The following CDK17 variants were observed in gnomAD, a reference collection of about 807,000 sequenced individuals.
CDK17 encodes cyclin-dependent kinase 17.
A neutral mutation model predicts 77.6 loss-of-function variants in CDK17; 24 were observed. The ratio of observed to expected loss-of-function variants is 0.31; its 90% CI spans 0.22 to 0.44. The LOEUF (loss-of-function observed/expected upper bound fraction) is 0.44, where lower values mean the gene tolerates loss of function less well. CDK17 is among the 20% of genes least tolerant of loss of function. The pLI is 1.00. For missense variants in CDK17, 429 were observed against 622.5 expected (o/e 0.69, Z 3.31); for synonymous variants, 203 against 210.4 (o/e 0.96, Z 0.30).
intron 7 of CDK17, among the ~76,000 whole-genome samples, chr12:96,298,004 A>C (rs7314551): frequency 0.22 from 32,860 of 151,916 alleles, 4,438 homozygotes; most frequent in Middle Eastern, 0.33. Flanking sequence ...AAAAATGTTC[A>C]TGGAGGCTGG....
At chr12:96,289,402 C>T in intron 10 of CDK17, 115 bp from the exon 11 acceptor site, 1 of 1,106,636 alleles carries the variant, frequency 9.0e-7, no homozygotes, top group East Asian at 2.4e-5. Context: ...TTCGTAGCTT[C>T]TTGAGGCTTC....
At chr12:96,344,935 A>C (rs1009860184) in intron 1 of CDK17, among the ~76,000 whole-genome samples, 1 of 152,072 alleles carries the variant, frequency 6.6e-6, no homozygotes, top group African/African-American at 2.4e-5. Flanking sequence ...CCTAGGTATT[A>C]AGGCCAACAT....
Position 96,281,023 on chromosome 12 carries a change from T to G in CDK17, c.1457-138A>C, listed in dbSNP as rs971101384. On this transcript the variant is annotated intron_variant, in intron 15 of 16. Transcript: ENST00000261211. ...ACAAGGTGATAGCCCTGCTGAAATT[T>G]TTCCTTTTTGTCCCAGTGTGTTGAG... The G allele has an allele frequency of 3.2e-5, 23 of 729,044 alleles. No homozygotes were observed. The African/African-American group carries it at 4.1e-4, about 13-fold the overall frequency. The allele number at this position is 729,044 out of a possible 1,614,324, so 45.2% of individuals were successfully genotyped here.
intron 1 of CDK17, among the ~76,000 whole-genome samples, chr12:96,371,359 C>T (rs11108482): frequency 0.082 from 12,507 of 152,142 alleles, 697 homozygotes; most frequent in South Asian, 0.18. Flanking sequence ...CCGTGAAGCC[C>T]AGCTAATTGT....
Position 96,301,849 on chromosome 12 carries a change from A to G in CDK17, c.544-1489T>C, listed in dbSNP as rs1470886656. Among the ~76,000 whole-genome samples the G allele has an allele frequency of 2.0e-5, 3 of 152,182 alleles. No homozygotes were observed. The East Asian group carries it at 5.8e-4, about 29-fold the overall frequency. On this transcript the variant is annotated intron_variant, in intron 5 of 16. Transcript: ENST00000261211. Reference sequence around the variant, plus strand: ...TCAGACAATAGGATAAATTATCCAAAGCTGAATGGCCAAAAGTAGCAGAGG... The same window carrying G: ...TCAGACAATAGGATAAATTATCCAAGGCTGAATGGCCAAAAGTAGCAGAGG...
intron 10 of CDK17, among the ~76,000 whole-genome samples, chr12:96,291,444 G>A (rs10860011): frequency 0.39 from 59,324 of 151,486 alleles, 12,010 homozygotes; most frequent in East Asian, 0.58. Context: ...GGTGCACACC[G>A]CCACACCTGG....
chr12:96,288,830 CTT>C (rs1268860460), intron 11 of CDK17, among the ~76,000 whole-genome samples: 7 of 152,150 alleles, frequency 4.6e-5, no homozygotes, highest in African/African-American at 7.2e-5. Context: ...ATCAGATACT[CTT>C]GAGTGTCTCA....
At chr12:96,326,631 T>C (rs553642485) in intron 2 of CDK17, among the ~76,000 whole-genome samples, 2 of 152,336 alleles carry the variant, frequency 1.3e-5, no homozygotes, top group South Asian at 2.1e-4. Context: ...AAACATGAGA[T>C]TGCTCGGTCT....
chr12:96,399,168 T>C (rs977846733), intron 1 of CDK17: 2 of 151,250 alleles, frequency 1.3e-5, no homozygotes, highest in Non-Finnish European at 2.9e-5. Flanking sequence ...AGTGTGGGGG[T>C]GACAGGAGGG....
At chr12:96,389,351 T>G (rs1954030100) in intron 1 of CDK17, among the ~76,000 whole-genome samples, 1 of 152,134 alleles carries the variant, frequency 6.6e-6, no homozygotes, top group Non-Finnish European at 1.5e-5. Context: ...AAAAGAAAAT[T>G]GAAAACATAT....
chr12:96,377,946 G>A (rs1188445042), intron 1 of CDK17, among the ~76,000 whole-genome samples: 3 of 152,104 alleles, frequency 2.0e-5, no homozygotes, highest in African/African-American at 4.8e-5. Flanking sequence ...GCCCACCTTG[G>A]CCTCCCAAAG....
intron 5 of CDK17, among the ~76,000 whole-genome samples, chr12:96,307,210 G>A (rs1300760351): frequency 6.6e-6 from 1 of 152,028 alleles, no homozygotes; most frequent in South Asian, 2.1e-4. Context: ...CAGGAGAATC[G>A]CTTGAACCCG....
intron 1 of CDK17, among the ~76,000 whole-genome samples, chr12:96,369,781 A>T (rs1953660617): frequency 6.6e-6 from 1 of 152,102 alleles, no homozygotes; most frequent in South Asian, 2.1e-4. Flanking sequence ...AAAAATAAAT[A>T]AATAAATAAA....
chr12:96,352,775 A>T (rs1490440752), intron 1 of CDK17, among the ~76,000 whole-genome samples: 1 of 152,240 alleles, frequency 6.6e-6, no homozygotes, highest in Non-Finnish European at 1.5e-5. Context: ...ACCCATAATC[A>T]AGAGCAAAGA....
chr12:96,366,002 C>T (rs1293279046), intron 1 of CDK17, among the ~76,000 whole-genome samples: 3 of 152,318 alleles, frequency 2.0e-5, no homozygotes, highest in Middle Eastern at 3.4e-3. Flanking sequence ...AATCTCTCTC[C>T]TTTGGCAGAA....
intron 13 of CDK17, 59 bp from the exon 14 acceptor site, chr12:96,283,704 G>A: frequency 9.1e-7 from 1 of 1,103,818 alleles, no homozygotes; most frequent in Admixed American, 2.0e-5. Context: ...AAACTTTTCA[G>A]ATAAAACTAT....
chr12:96,400,178 G>A lies in CDK17; in HGVS notation c.-222C>T, dbSNP rs369406395. 1 of 394,542 alleles carries A rather than the reference G, an allele frequency of 2.5e-6. No homozygotes were observed. The highest frequency in any genetic ancestry group is 4.5e-6 in the Non-Finnish European group (1 of 223,442). 24.4% of individuals were successfully genotyped at this position (394,542 alleles called of 1,614,324 possible). On this transcript the variant is annotated 5_prime_UTR_variant, in exon 1 of 17. Transcript: ENST00000261211. ...TCGCCGCGGGTCCGGAGCCTCGGGAGGGGCCGCGGGTGTCTCACGCGTTGC... is the reference window on the plus strand; with the variant it reads ...TCGCCGCGGGTCCGGAGCCTCGGGAAGGGCCGCGGGTGTCTCACGCGTTGC...
chr12:96,356,364 T>C (rs1953393678), intron 1 of CDK17, among the ~76,000 whole-genome samples: 1 of 152,208 alleles, frequency 6.6e-6, no homozygotes, highest in Admixed American at 6.5e-5. Flanking sequence ...AACGGGATCA[T>C]GGCTCACTGA....
chr12:96,390,860 T>G (rs1403303533), intron 1 of CDK17, among the ~76,000 whole-genome samples: 1 of 151,940 alleles, frequency 6.6e-6, no homozygotes, highest in East Asian at 1.9e-4. Context: ...CCCAACACTT[T>G]GGGTGGCCAA....
Sources: allele counts gnomAD v4.1 joint callset (sites outside exome capture counted in the v4.1 genomes callset), GRCh38; gene constraint gnomAD v4.1.1; transcripts MANE v1.5; gene names NCBI Gene and HGNC (gene_info 2026-07-23, HGNC 2026-07-21).